The following BAZ2B variants were observed in gnomAD, a reference collection of about 807,000 sequenced individuals.
BAZ2B encodes bromodomain adjacent to zinc finger domain protein 2B.
In BAZ2B, 91 loss-of-function variants were observed where a neutral mutation model predicts 246.0. That is an observed-to-expected ratio of 0.37 (90% confidence interval 0.31 to 0.44). The LOEUF is 0.44. Among genes scored for constraint, BAZ2B ranks in the 20% least tolerant of loss-of-function variants. The pLI is 1.00. For missense variants in BAZ2B, 2,332 were observed against 2,533.7 expected, an observed-to-expected ratio of 0.92 and a Z score of 1.71; for synonymous variants, 855 against 860.0, an observed-to-expected ratio of 0.99 and a Z score of 0.10.
chr2:159,614,014 T>C (rs923713362), intron 1 of BAZ2B, among the ~76,000 whole-genome samples: 1 of 152,168 alleles, frequency 6.6e-6, no homozygotes, highest in African/African-American at 2.4e-5. Context: ...TTAATTGTAG[T>C]CAGTGTTTTT....
intron 27 of BAZ2B, among the ~76,000 whole-genome samples, chr2:159,354,959 C>T (rs1304638762): frequency 6.6e-6 from 1 of 152,178 alleles, no homozygotes; most frequent in Non-Finnish European, 1.5e-5. Flanking sequence ...AAGTTTGCTA[C>T]TGGAAAGAAG....
chr2:159,318,465 T>C (rs2062338318), downstream of BAZ2B, among the ~76,000 whole-genome samples: 1 of 152,232 alleles, frequency 6.6e-6, no homozygotes, highest in Non-Finnish European at 1.5e-5. Flanking sequence ...CTATATTCTC[T>C]CTTCATGATA....
At chr2:159,541,283 A>ATTC (rs1164135389) in intron 2 of BAZ2B, among the ~76,000 whole-genome samples, 2 of 148,360 alleles carry the variant, frequency 1.3e-5, no homozygotes, top group African/African-American at 5.2e-5. Context: ...TATTATTATT[A>ATTC]TTATTATTGT....
intron 2 of BAZ2B, among the ~76,000 whole-genome samples, chr2:159,526,321 G>A (rs1164686556): frequency 6.6e-6 from 1 of 152,044 alleles, no homozygotes; most frequent in Non-Finnish European, 1.5e-5. Flanking sequence ...ATATAGTAAA[G>A]TCAAAGCAGC....
At position 159,373,133 on chromosome 2, in the gene BAZ2B, C is replaced by T; in HGVS notation, c.4125G>A (p.Val1375=). Residue 1375 remains valine, a synonymous_variant, in exon 27 of 37, where the codon GTG becomes GTA. Transcript: ENST00000392783. Reference sequence around the variant, plus strand: ...GTCTGTAACGATCTTGGCCAAACATCACTGAACGCAATGAGTGAGACGCAT... The same window carrying T: ...GTCTGTAACGATCTTGGCCAAACATTACTGAACGCAATGAGTGAGACGCAT... ...LFDASHSLRS[V]MFGQDRYRRR... 1 of 1,614,110 alleles carries T rather than the reference C, an allele frequency of 6.2e-7. No homozygotes were observed. The highest frequency in any genetic ancestry group is 8.5e-7 in the Non-Finnish European group (1 of 1,179,968).
At chr2:159,653,563 A>G in the BAZ2B span, among the ~76,000 whole-genome samples, 1 of 152,170 alleles carries the variant, frequency 6.6e-6, no homozygotes, top group African/African-American at 2.4e-5. Flanking sequence ...GCACCCTAGA[A>G]ATCAAAACAA....
At chr2:159,702,263 TTC>T in the BAZ2B span, among the ~76,000 whole-genome samples, 2 of 152,082 alleles carry the variant, frequency 1.3e-5, no homozygotes, top group Non-Finnish European at 2.9e-5. Context: ...TTTCTATACA[TTC>T]TTTCTTTTAA....
intron 1 of BAZ2B, among the ~76,000 whole-genome samples, chr2:159,587,047 G>GA (rs1688172570): frequency 6.6e-6 from 1 of 150,686 alleles, no homozygotes; most frequent in Non-Finnish European, 1.5e-5. Context: ...AAAAATGGGA[G>GA]AAAAAAGCTT....
the BAZ2B span, among the ~76,000 whole-genome samples, chr2:159,656,946 A>G: frequency 3.3e-5 from 5 of 151,982 alleles, no homozygotes; most frequent in Admixed American, 1.3e-4. Flanking sequence ...TTGTTTTTTC[A>G]TTCTCTTAAT....
chr2:159,511,608 A>T (rs923111557), intron 2 of BAZ2B, among the ~76,000 whole-genome samples: 10 of 152,198 alleles, frequency 6.6e-5, no homozygotes, highest in Non-Finnish European at 1.5e-4. Context: ...TTTTTTTCTG[A>T]TCAACCAGTC....
intron 20 of BAZ2B, among the ~76,000 whole-genome samples, chr2:159,390,341 T>C (rs1408132401): frequency 1.3e-5 from 2 of 152,160 alleles, no homozygotes; most frequent in Non-Finnish European, 2.9e-5. Context: ...TTTTTTTCTG[T>C]GTAGGTTTAG....
At chr2:159,403,824 C>T (rs938378881) in intron 16 of BAZ2B, among the ~76,000 whole-genome samples, 1 of 152,110 alleles carries the variant, frequency 6.6e-6, no homozygotes, top group Non-Finnish European at 1.5e-5. Flanking sequence ...TCAGATATTG[C>T]AGTTAACTTC....
chr2:159,584,940 C>T (rs547440009), intron 1 of BAZ2B, among the ~76,000 whole-genome samples: 18 of 152,276 alleles, frequency 1.2e-4, no homozygotes, highest in African/African-American at 3.6e-4. Context: ...TGTGCCTTCT[C>T]CCCCTTTGCC....
intron 2 of BAZ2B, among the ~76,000 whole-genome samples, chr2:159,496,829 T>TA (rs2081222291): frequency 1.4e-5 from 2 of 147,884 alleles, no homozygotes; most frequent in African/African-American, 5.0e-5. Context: ...CTACCATAGT[T>TA]AAAGAAGAGA....
intron 2 of BAZ2B, among the ~76,000 whole-genome samples, chr2:159,519,384 C>T (rs1269646278): frequency 2.0e-5 from 3 of 147,976 alleles, no homozygotes; most frequent in Non-Finnish European, 4.5e-5. Flanking sequence ...CGCCCGCCAC[C>T]GCGCCCGGCT....
chr2:159,498,272 A>G (rs2081364323), intron 2 of BAZ2B, among the ~76,000 whole-genome samples: 1 of 152,232 alleles, frequency 6.6e-6, no homozygotes, highest in Non-Finnish European at 1.5e-5. Context: ...TAAGGGTAAA[A>G]AAAAGCTCAA....
intron 31 of BAZ2B, 144 bp from the exon 32 acceptor site, chr2:159,337,916 A>G (rs1265446114): frequency 1.3e-6 from 1 of 741,294 alleles, no homozygotes; most frequent in Non-Finnish European, 2.0e-6. Context: ...TCCTAAAACT[A>G]GGTGGAAATA....
the BAZ2B span, among the ~76,000 whole-genome samples, chr2:159,669,713 TA>T: frequency 6.6e-6 from 1 of 152,186 alleles, no homozygotes; most frequent in Non-Finnish European, 1.5e-5. Context: ...TTCTTCTTTT[TA>T]TGCTGTTTAC....
At chr2:159,567,999 A>G (rs1683048503) in intron 1 of BAZ2B, among the ~76,000 whole-genome samples, 1 of 152,110 alleles carries the variant, frequency 6.6e-6, no homozygotes, top group Non-Finnish European at 1.5e-5. Flanking sequence ...AAACATAAAA[A>G]TCACAATAAA....
Sources: allele counts gnomAD v4.1 joint callset (sites outside exome capture counted in the v4.1 genomes callset), GRCh38; gene constraint gnomAD v4.1.1; transcripts MANE v1.5; gene names NCBI Gene and HGNC (gene_info 2026-07-23, HGNC 2026-07-21).